Variants in CALCRL observed in about 807,000 individuals in gnomAD.
The protein encoded by CALCRL is calcitonin receptor like receptor.
A neutral mutation model predicts 60.4 loss-of-function variants in CALCRL; 27 were observed. That is an observed-to-expected ratio of 0.45 (90% CI 0.33 to 0.62). The LOEUF is 0.62. Ranked by LOEUF, CALCRL falls within the 20% of genes least tolerant of loss-of-function variation. CALCRL has a pLI of 0.03. For synonymous variants in CALCRL, 190 were observed against 182.6 expected (o/e 1.04, Z -0.33); for missense variants, 424 against 540.7 (o/e 0.78, Z 2.14).
chr2:187,415,040 G>A (rs1163080536), intron 1 of CALCRL, among the ~76,000 whole-genome samples: 2 of 151,784 alleles, frequency 1.3e-5, no homozygotes, highest in African/African-American at 4.8e-5. Flanking sequence ...TAATCTCTGT[G>A]GTTAAATGTT....
intron 8 of CALCRL, among the ~76,000 whole-genome samples, chr2:187,375,740 G>C (rs544470663): frequency 3.9e-5 from 6 of 152,082 alleles, no homozygotes; most frequent in Non-Finnish European, 8.8e-5. Context: ...CATCTTTAAA[G>C]TTAATAATTT....
chr2:187,346,372 T>A lies in CALCRL; in HGVS notation c.1198A>T (p.Asn400Tyr). 1 of 1,611,348 alleles carries A rather than the reference T, an allele frequency of 6.2e-7. No individual in the cohort carries two copies. Among genetic ancestry groups the A allele is most frequent in the Non-Finnish European group, 8.5e-7 (1 of 1,178,394 alleles). ...EVQAILRRNW[N>Y]QYKIQFGNSF... ...TTTCCAAATTGGATTTTGTATTGAT[T>A]CCAGTTTCTTCTCAGAATTGCTTGA... The change falls in exon 15 of 15, where the codon AAT becomes TAT. Residue 400 changes from asparagine (N) to tyrosine (Y), a missense_variant. Around this residue, in one of 7 missense-constraint regions of CALCRL, gnomAD observed 222 missense variants for 265.6 expected, o/e 0.84. Transcript: ENST00000392370.
intron 8 of CALCRL, among the ~76,000 whole-genome samples, chr2:187,370,288 G>A (rs1010407242): frequency 2.0e-5 from 3 of 151,884 alleles, no homozygotes; most frequent in Admixed American, 2.0e-4. Flanking sequence ...GGGTATGATC[G>A]AGAAAAATAA....
In CALCRL at chr2:187,444,029, C is replaced by A. The variant is rs1574335641; in HGVS notation, c.-293+4010G>T. Among the ~76,000 whole-genome samples the A allele has an allele frequency of 4.0e-5, 6 of 151,332 alleles. No individual in the cohort carries two copies. The South Asian group carries it at 1.2e-3, about 31-fold the overall frequency. On this transcript the variant is annotated intron_variant, in intron 1 of 14. Transcript: ENST00000392370. ...GTGTGCTCACGAATATGCTATTGAT[C>A]CTCCATGTGACTGCACTGTAAGGAG... is the stretch of plus-strand genomic sequence containing the variant.
chr2:187,379,160 A>G, intron 7 of CALCRL, 129 bp from the exon 8 acceptor site: 2 of 528,296 alleles, frequency 3.8e-6, no homozygotes, highest in South Asian at 3.4e-5. Context: ...TGATAGCCTT[A>G]CAATGATGAG....
chr2:187,381,423 G>A (rs1253308885), intron 5 of CALCRL, among the ~76,000 whole-genome samples: 2 of 151,650 alleles, frequency 1.3e-5, no homozygotes, highest in Non-Finnish European at 2.9e-5. Context: ...ACCGACCAAT[G>A]TTCTAATGTT....
chr2:187,343,908 T>A lies in CALCRL; in HGVS notation c.*2276A>T, dbSNP rs1686181537. 6.6e-6 allele frequency: 1 copy of A among 151,598 alleles called. No individual in the cohort carries two copies. The highest frequency in any genetic ancestry group is 1.5e-5 in the Non-Finnish European group (1 of 67,602). 9.4% of individuals were successfully genotyped at this position (151,598 alleles called of 1,614,324 possible). On this transcript the variant is annotated 3_prime_UTR_variant, in exon 15 of 15. Coordinates refer to ENST00000392370, the MANE Select transcript of CALCRL (RefSeq NM_005795.6). ...TCAAGACTCTACAACAGACAAACCC[T>A]GGCTATAAAATAAATCTGATCTAGA...
intron 1 of CALCRL, among the ~76,000 whole-genome samples, chr2:187,431,665 G>C (rs1362350158): frequency 6.6e-6 from 1 of 151,900 alleles, no homozygotes; most frequent in Non-Finnish European, 1.5e-5. Flanking sequence ...TTAAGGTCTT[G>C]GCCCTAGGAA....
At chr2:187,379,137 G>T in intron 7 of CALCRL, 106 bp from the exon 8 acceptor site, 1 of 614,522 alleles carries the variant, frequency 1.6e-6, no homozygotes. Context: ...TATATTTTTA[G>T]AAATATGTGA....
At chr2:187,377,159 G>C (rs989611988) in intron 8 of CALCRL, among the ~76,000 whole-genome samples, 1 of 152,050 alleles carries the variant, frequency 6.6e-6, no homozygotes, top group Non-Finnish European at 1.5e-5. Context: ...AAATTTTAAA[G>C]CAAAGAATGG....
intron 1 of CALCRL, among the ~76,000 whole-genome samples, chr2:187,418,335 T>C (rs1160075788): frequency 1.3e-5 from 2 of 152,204 alleles, no homozygotes; most frequent in Non-Finnish European, 2.9e-5. Flanking sequence ...AAATAGAGCG[T>C]TCTAAAAAGA....
intron 1 of CALCRL, among the ~76,000 whole-genome samples, chr2:187,406,347 C>T (rs540513374): frequency 2.6e-5 from 4 of 151,818 alleles, no homozygotes; most frequent in Non-Finnish European, 4.4e-5. Context: ...TGTAAGCAAA[C>T]GTGTTCCTTG....
At chr2:187,362,412 G>T (rs949020324) in intron 9 of CALCRL, among the ~76,000 whole-genome samples, 1 of 151,982 alleles carries the variant, frequency 6.6e-6, no homozygotes, top group African/African-American at 2.4e-5. Context: ...CAATCTGGAT[G>T]CACAGGTGCA....
At chr2:187,370,659 C>T (rs1050641441) in intron 8 of CALCRL, among the ~76,000 whole-genome samples, 1 of 151,954 alleles carries the variant, frequency 6.6e-6, no homozygotes, top group Non-Finnish European at 1.5e-5. Flanking sequence ...ATTTCCATAC[C>T]TGGGACTCTT....
chr2:187,370,997 T>C (rs529846888), intron 8 of CALCRL, among the ~76,000 whole-genome samples: 64 of 152,162 alleles, frequency 4.2e-4, no homozygotes, highest in Non-Finnish European at 8.1e-4. Flanking sequence ...AATCCCAGCA[T>C]TTTGGGAGGC....
At chr2:187,368,777 A>G (rs1417212463) in intron 8 of CALCRL, among the ~76,000 whole-genome samples, 1 of 152,114 alleles carries the variant, frequency 6.6e-6, no homozygotes, top group East Asian at 1.9e-4. Flanking sequence ...TTAATTTCCA[A>G]ATTCTCAGAT....
At position 187,345,699 on chromosome 2, in the gene CALCRL, T is replaced by A. The variant is rs919927161; in HGVS notation, c.*485A>T. 3.3e-5 allele frequency: 5 copies of A among 149,416 alleles called. No homozygotes were observed. The highest frequency in any genetic ancestry group is 2.0e-4 in the Admixed American group (3 of 14,858). 9.3% of individuals were successfully genotyped at this position (149,416 alleles called of 1,614,324 possible). ...TACGGCACTCTGGGCAAAAAAAAAG[T>A]CAACTGCCCCAATCAAGATGGGATA... On this transcript the variant is annotated 3_prime_UTR_variant, in exon 15 of 15. Transcript: ENST00000392370.
intron 1 of CALCRL, among the ~76,000 whole-genome samples, chr2:187,410,981 G>A (rs945999037): frequency 5.3e-5 from 8 of 152,136 alleles, no homozygotes; most frequent in African/African-American, 1.9e-4. Context: ...TTATATAAAA[G>A]AATAAATAAA....
chr2:187,368,808 A>G (rs1243132650), intron 8 of CALCRL, among the ~76,000 whole-genome samples: 1 of 152,152 alleles, frequency 6.6e-6, no homozygotes, highest in African/African-American at 2.4e-5. Flanking sequence ...AAAAAACACT[A>G]GCAACATATC....
Sources: allele counts gnomAD v4.1 joint callset (sites outside exome capture counted in the v4.1 genomes callset), GRCh38; gene constraint gnomAD v4.1.1; regional missense constraint gnomAD v4.1.1; transcripts MANE v1.5; gene names NCBI Gene and HGNC (gene_info 2026-07-23, HGNC 2026-07-21).